The following PDGFC variants were observed in gnomAD, a reference collection of about 807,000 sequenced individuals.
The protein encoded by PDGFC is platelet derived growth factor C.
In PDGFC, 12 loss-of-function variants were observed where a neutral mutation model predicts 35.5. That is an observed-to-expected ratio of 0.34 (90% CI 0.22 to 0.55). The LOEUF (loss-of-function observed/expected upper bound fraction) is 0.55, where lower values mean the gene tolerates loss of function less well. Ranked by LOEUF, PDGFC falls within the 20% of genes least tolerant of loss-of-function variation. PDGFC has a pLI of 0.91. For missense variants in PDGFC, 322 were observed against 412.4 expected (o/e 0.78, Z 1.90); for synonymous variants, 159 against 148.8 (o/e 1.07, Z -0.50).
chr4:156,834,099 C>T (rs898620730), intron 2 of PDGFC, among the ~76,000 whole-genome samples: 1 of 151,804 alleles, frequency 6.6e-6, no homozygotes, highest in African/African-American at 2.4e-5. Flanking sequence ...TCTCTTTTTC[C>T]TTCTTTGTAT....
At chr4:156,860,703 C>T (rs983554595) in intron 1 of PDGFC, among the ~76,000 whole-genome samples, 2 of 151,510 alleles carry the variant, frequency 1.3e-5, no homozygotes, top group African/African-American at 4.9e-5. Flanking sequence ...GAAAGATATG[C>T]ATAATGCATA....
At chr4:156,872,358 A>G (rs562641229) in intron 1 of PDGFC, among the ~76,000 whole-genome samples, 20 of 152,340 alleles carry the variant, frequency 1.3e-4, no homozygotes, top group African/African-American at 4.8e-4. Flanking sequence ...AAAAGTGATT[A>G]AGAATTTACT....
chr4:156,813,278 C>T (rs533901135), intron 2 of PDGFC, among the ~76,000 whole-genome samples: 1 of 152,228 alleles, frequency 6.6e-6, no homozygotes. Flanking sequence ...GTTACCACCA[C>T]TCATTCGACA....
chr4:156,905,323 A>G (rs1251903693), intron 1 of PDGFC, among the ~76,000 whole-genome samples: 1 of 152,094 alleles, frequency 6.6e-6, no homozygotes, highest in East Asian at 1.9e-4. Flanking sequence ...GATGTTTTAT[A>G]TTCATGACTT....
At chr4:156,950,785 G>A (rs146985445) in intron 1 of PDGFC, among the ~76,000 whole-genome samples, 236 of 151,654 alleles carry the variant, frequency 1.6e-3, no homozygotes, top group Admixed American at 2.9e-3. Flanking sequence ...TTGTTGAATT[G>A]CTAAATGACT....
intron 1 of PDGFC, among the ~76,000 whole-genome samples, chr4:156,935,259 G>A (rs1044058328): frequency 1.3e-5 from 2 of 152,092 alleles, no homozygotes; most frequent in African/African-American, 4.8e-5. Flanking sequence ...GCCTCCCTAA[G>A]TGCTGCCATT....
intron 4 of PDGFC, among the ~76,000 whole-genome samples, chr4:156,771,423 C>T (rs548921136): frequency 2.0e-5 from 3 of 152,182 alleles, no homozygotes; most frequent in Admixed American, 1.3e-4. Flanking sequence ...CTTCCTGTTC[C>T]TAAGTGGGAG....
chr4:156,866,438 G>C (rs1200516327), intron 1 of PDGFC, among the ~76,000 whole-genome samples: 2 of 152,066 alleles, frequency 1.3e-5, no homozygotes, highest in African/African-American at 4.8e-5. Context: ...CTAAGGAACT[G>C]TTGAAATGAC....
At chr4:156,860,111 C>G in intron 1 of PDGFC, among the ~76,000 whole-genome samples, 1 of 152,126 alleles carries the variant, frequency 6.6e-6, no homozygotes. Flanking sequence ...AAAATAGAGA[C>G]TGAACTGACT....
At chr4:156,837,806 G>A (rs758697756) in intron 2 of PDGFC, among the ~76,000 whole-genome samples, 12 of 152,210 alleles carry the variant, frequency 7.9e-5, no homozygotes, top group Non-Finnish European at 1.5e-4. Flanking sequence ...CAGTGGTTGA[G>A]CCAGACAGGA....
chr4:156,935,901 A>T (rs139589195), intron 1 of PDGFC, among the ~76,000 whole-genome samples: 245 of 152,294 alleles, frequency 1.6e-3, no homozygotes, highest in African/African-American at 5.0e-3. Context: ...CCTCAAGGAA[A>T]TTAAAATGTC....
intron 1 of PDGFC, among the ~76,000 whole-genome samples, chr4:156,965,189 A>G (rs1732436801): frequency 6.6e-6 from 1 of 152,182 alleles, no homozygotes; most frequent in Non-Finnish European, 1.5e-5. Flanking sequence ...TGCAAGCTCC[A>G]AGACCAAAAA....
chr4:156,945,958 A>G (rs1324607722), intron 1 of PDGFC, among the ~76,000 whole-genome samples: 1 of 152,116 alleles, frequency 6.6e-6, no homozygotes, highest in Non-Finnish European at 1.5e-5. Flanking sequence ...ATTAGAATTC[A>G]TATTCTATCC....
chr4:156,819,560 G>A (rs913168999), intron 2 of PDGFC, among the ~76,000 whole-genome samples: 5 of 152,108 alleles, frequency 3.3e-5, no homozygotes, highest in Admixed American at 2.0e-4. Flanking sequence ...TATTTTAAAC[G>A]TACTACTGCT....
intron 1 of PDGFC, among the ~76,000 whole-genome samples, chr4:156,886,298 TA>T (rs1303012919): frequency 6.6e-6 from 1 of 152,222 alleles, no homozygotes; most frequent in Non-Finnish European, 1.5e-5. Context: ...GCCAATGTGC[TA>T]TAACTCTCTT....
chr4:156,866,433 G>T (rs1006693859), intron 1 of PDGFC, among the ~76,000 whole-genome samples: 3 of 152,022 alleles, frequency 2.0e-5, no homozygotes, highest in Non-Finnish European at 4.4e-5. Flanking sequence ...AGTTCCTAAG[G>T]AACTGTTGAA....
chr4:156,845,765 A>G (rs1729312353), intron 2 of PDGFC, among the ~76,000 whole-genome samples: 1 of 151,854 alleles, frequency 6.6e-6, no homozygotes, highest in African/African-American at 2.4e-5. Context: ...TGACCACTTT[A>G]TTAGTAAGTT....
At chr4:156,817,883 A>AC (rs1450451151) in intron 2 of PDGFC, among the ~76,000 whole-genome samples, 1 of 151,254 alleles carries the variant, frequency 6.6e-6, no homozygotes, top group African/African-American at 2.4e-5. Flanking sequence ...ACATGGTGAA[A>AC]CCCCATCTCT....
intron 3 of PDGFC, among the ~76,000 whole-genome samples, chr4:156,806,401 C>T (rs1419567390): frequency 6.6e-6 from 1 of 151,894 alleles, no homozygotes; most frequent in African/African-American, 2.4e-5. Context: ...ATTATCATTA[C>T]TTTGGATCAG....
Sources: gnomAD v4.1 joint callset for allele counts (sites outside exome capture counted in the v4.1 genomes callset) on GRCh38, gnomAD v4.1.1 for gene constraint, MANE v1.5 for transcripts, NCBI Gene and HGNC (gene_info 2026-07-23, HGNC 2026-07-21) for gene names.